RABGAP1L: variants seen among roughly 807,000 people sequenced by gnomAD.
The protein encoded by RABGAP1L is rab GTPase-activating protein 1-like.
A neutral mutation model predicts 137.7 loss-of-function variants in RABGAP1L; 63 were observed. The observed-to-expected ratio is 0.46, with a 90% CI of 0.37 to 0.56. RABGAP1L has a LOEUF of 0.56. Among genes scored for constraint, RABGAP1L ranks in the 20% least tolerant of loss-of-function variants. RABGAP1L has a pLI of 0.00. For synonymous variants in RABGAP1L, 431 were observed against 433.7 expected, an observed-to-expected ratio of 0.99 and a Z score of 0.08; for missense variants, 1,095 against 1,244.0, an observed-to-expected ratio of 0.88 and a Z score of 1.80.
In RABGAP1L at chr1:174,250,622, G is replaced by A. The variant is rs1672639503; in HGVS notation, c.865G>A (p.Gly289Arg). 6.2e-7 allele frequency: 1 copy of A among 1,612,652 alleles called. No individual in the cohort carries two copies. Among genetic ancestry groups the A allele is most frequent in the African/African-American group, 1.3e-5 (1 of 74,824 alleles). Residue 289 changes from glycine to arginine, a missense_variant, in exon 6 of 26, where the codon GGA becomes AGA. Transcript: ENST00000681986. ...GGAGGTAAAAGAAGACGATGGAAAA[G>A]GAAACTTTAGGTGAGGCATTTGGAA... Reference protein sequence around the residue: ...SLEVKEDDGKGNFSPVPKDRD... With the variant: ...SLEVKEDDGKRNFSPVPKDRD...
At chr1:174,937,637 T>TATATATATATA (rs1302676014) in intron 19 of RABGAP1L, among the ~76,000 whole-genome samples, 9 of 138,496 alleles carry the variant, frequency 6.5e-5, no homozygotes, top group African/African-American at 1.5e-4. Context: ...TATATATATC[T>TATATATATATA]TGCAGTTAGA....
At chr1:174,776,254 A>G (rs571266155) in intron 18 of RABGAP1L, among the ~76,000 whole-genome samples, 203 of 152,182 alleles carry the variant, frequency 1.3e-3, no homozygotes, top group African/African-American at 4.6e-3. Flanking sequence ...GGTGCCTGTA[A>G]TCCCAGCTAC....
chr1:174,548,371 C>G, intron 13 of RABGAP1L: 1 of 1,043,514 alleles, frequency 9.6e-7, no homozygotes, highest in African/African-American at 1.7e-5. Flanking sequence ...TTTAAAAGTC[C>G]TGTCTACCAT....
intron 11 of RABGAP1L, among the ~76,000 whole-genome samples, chr1:174,354,729 C>T (rs1048400031): frequency 1.3e-5 from 2 of 152,238 alleles, no homozygotes; most frequent in South Asian, 4.1e-4. Context: ...ACATGAAGTC[C>T]TTGCCCATGC....
chr1:174,258,970 A>G (rs1169949525), intron 7 of RABGAP1L, among the ~76,000 whole-genome samples: 1 of 151,760 alleles, frequency 6.6e-6, no homozygotes, highest in Non-Finnish European at 1.5e-5. Context: ...TTTATCTTTC[A>G]TAGAGACGGG....
intron 13 of RABGAP1L, among the ~76,000 whole-genome samples, chr1:174,412,612 C>T (rs1650067088): frequency 6.6e-6 from 1 of 152,012 alleles, no homozygotes; most frequent in Non-Finnish European, 1.5e-5. Context: ...TCCTTCATTT[C>T]CATGTATAGA....
At chr1:174,901,433 GC>G (rs952464041) in intron 19 of RABGAP1L, among the ~76,000 whole-genome samples, 1 of 152,114 alleles carries the variant, frequency 6.6e-6, no homozygotes, top group Non-Finnish European at 1.5e-5. Flanking sequence ...AAAGGGAGAA[GC>G]CCCCCTTATA....
intron 14 of RABGAP1L, among the ~76,000 whole-genome samples, chr1:174,651,240 G>C (rs1041088361): frequency 1.7e-4 from 26 of 151,838 alleles, no homozygotes; most frequent in African/African-American, 6.0e-4. Flanking sequence ...TTGCTGAGGA[G>C]AGCTTTACTT....
intron 23 of RABGAP1L, 66 bp downstream of exon 23, chr1:174,978,956 T>A: frequency 7.1e-7 from 1 of 1,418,016 alleles, no homozygotes; most frequent in Non-Finnish European, 9.2e-7. Context: ...TTTTTTTTTT[T>A]TTGCTTGAGG....
intron 18 of RABGAP1L, 64 bp downstream of exon 18, chr1:174,752,418 T>C: frequency 1.7e-6 from 2 of 1,199,122 alleles, no homozygotes; most frequent in Non-Finnish European, 2.4e-6. Context: ...GGAACTGGAA[T>C]AATTCAATTT....
chr1:174,480,598 C>A (rs1658980983), intron 13 of RABGAP1L, among the ~76,000 whole-genome samples: 2 of 152,202 alleles, frequency 1.3e-5, no homozygotes, highest in Non-Finnish European at 2.9e-5. Context: ...TTTGTTCCAA[C>A]CCCTATGCTA....
chr1:174,518,716 G>T (rs1292774405), intron 13 of RABGAP1L, among the ~76,000 whole-genome samples: 5 of 152,202 alleles, frequency 3.3e-5, no homozygotes, highest in Non-Finnish European at 7.3e-5. Flanking sequence ...CCTTCTGGAA[G>T]TTGGCTGCTA....
At chr1:174,545,291 A>G (rs1189333852) in intron 13 of RABGAP1L, 1 of 150,564 alleles carries the variant, frequency 6.6e-6, no homozygotes, top group Admixed American at 6.7e-5. Context: ...TACCTACTCA[A>G]GCTTCAGCAA....
intron 19 of RABGAP1L, among the ~76,000 whole-genome samples, chr1:174,819,046 G>T (rs77058836): frequency 0.012 from 1,775 of 151,974 alleles, 48 homozygotes; most frequent in African/African-American, 0.041. Flanking sequence ...ATCTGGGCAT[G>T]GTGGCACATG....
intron 19 of RABGAP1L, among the ~76,000 whole-genome samples, chr1:174,849,367 C>CG (rs1647806765): frequency 6.6e-6 from 1 of 152,128 alleles, no homozygotes; most frequent in Non-Finnish European, 1.5e-5. Flanking sequence ...TCCCAAGGGG[C>CG]CATATGACGA....
chr1:174,652,565 G>A (rs940010956), intron 14 of RABGAP1L, among the ~76,000 whole-genome samples: 81 of 152,160 alleles, frequency 5.3e-4, no homozygotes, highest in African/African-American at 1.9e-3. Flanking sequence ...CTCTGCTACA[G>A]GTCTGCTGGA....
chr1:174,604,108 C>T (rs560076100), intron 13 of RABGAP1L, among the ~76,000 whole-genome samples: 4 of 152,036 alleles, frequency 2.6e-5, no homozygotes, highest in Non-Finnish European at 5.9e-5. Flanking sequence ...TCCAGCACAG[C>T]ACCAAGACTT....
At chr1:174,512,968 TA>T (rs1662489844) in intron 13 of RABGAP1L, among the ~76,000 whole-genome samples, 1 of 152,216 alleles carries the variant, frequency 6.6e-6, no homozygotes, top group Non-Finnish European at 1.5e-5. Context: ...TATAGTGCTG[TA>T]ATGCAATGAA....
chr1:174,441,375 C>T (rs1400716488), intron 13 of RABGAP1L, among the ~76,000 whole-genome samples: 1 of 152,092 alleles, frequency 6.6e-6, no homozygotes, highest in Admixed American at 6.6e-5. Context: ...TAAGGCTTCA[C>T]ATTATAAATG....
Sources: allele counts gnomAD v4.1 joint callset (sites outside exome capture counted in the v4.1 genomes callset), GRCh38; gene constraint gnomAD v4.1.1; transcripts MANE v1.5; gene names NCBI Gene and HGNC (gene_info 2026-07-23, HGNC 2026-07-21).